The following PHACTR2 variants were observed in gnomAD, a reference collection of about 807,000 sequenced individuals.
PHACTR2 encodes phosphatase and actin regulator 2.
In PHACTR2, 30 loss-of-function variants were observed where a neutral mutation model predicts 76.0. The observed-to-expected ratio is 0.39, with a 90% CI of 0.30 to 0.54. The LOEUF (loss-of-function observed/expected upper bound fraction) is 0.54, where lower values mean the gene tolerates loss of function less well. Among genes scored for constraint, PHACTR2 ranks in the 20% least tolerant of loss-of-function variants. The probability of loss-of-function intolerance (pLI) is 0.61; values close to 1 mark genes in which losing one functional copy is unlikely to be tolerated. For missense variants in PHACTR2, 696 were observed against 781.1 expected, an observed-to-expected ratio of 0.89 and a Z score of 1.30; for synonymous variants, 292 against 292.5, an observed-to-expected ratio of 1.00 and a Z score of 0.02.
intron 2 of PHACTR2, among the ~76,000 whole-genome samples, chr6:143,728,185 G>A (rs1318288373): frequency 9.3e-6 from 1 of 107,496 alleles, no homozygotes; most frequent in African/African-American, 3.5e-5. Flanking sequence ...TCGTTCTTTT[G>A]TTCTTCTTTC....
At position 143,585,046 on chromosome 6, in the gene PHACTR2, C is replaced by G. The variant is rs6924940; in HGVS notation, c.217+47839C>G. On this transcript the variant is annotated intron_variant, in intron 1 of 11. Transcript: ENST00000367584. This position sits in a 1 kb window ranked among gnomAD's most constrained non-coding sequence, Gnocchi z 5.2. ...TTCTATAGGCTTGGCTGTCATAACTCAAGTTGTTGGGGGACACATGACTAT... is the reference window on the plus strand; with the variant it reads ...TTCTATAGGCTTGGCTGTCATAACTGAAGTTGTTGGGGGACACATGACTAT... 6.7e-6 allele frequency among the ~76,000 whole-genome samples: 1 copy of G among 150,080 alleles called. No individual in the cohort carries two copies. The highest frequency in any genetic ancestry group is 2.5e-5 in the African/African-American group (1 of 40,616).
rs1776696276 is a variant in PHACTR2 at position 143,648,437 on chromosome 6, C to A, written c.13+40115C>A. ...TAGAAAATGGATCTGACTGTCTCTG[C>A]ACTGGGAGTCCCTGGGAGGGGGGGA... On this transcript the variant is annotated intron_variant, in intron 1 of 11. Transcript: ENST00000305766. The surrounding 1 kb of genome is among the most constrained non-coding windows in gnomAD (Gnocchi z 6.7). Among the ~76,000 whole-genome samples, 2 of 152,102 alleles carry A rather than the reference C, an allele frequency of 1.3e-5. No individual in the cohort carries two copies. Among genetic ancestry groups the A allele is most frequent in the Non-Finnish European group, 2.9e-5 (2 of 68,022 alleles).
intron 2 of PHACTR2, among the ~76,000 whole-genome samples, chr6:143,721,096 C>A (rs1392243785): frequency 6.6e-6 from 1 of 152,214 alleles, no homozygotes; most frequent in African/African-American, 2.4e-5. Context: ...AACCAAAAGT[C>A]AGAAAGCCAA....
intron 1 of PHACTR2, among the ~76,000 whole-genome samples, chr6:143,661,120 A>C (rs1157719603): frequency 6.6e-6 from 1 of 152,236 alleles, no homozygotes; most frequent in Admixed American, 6.5e-5. Flanking sequence ...AATTCATAGT[A>C]AAATTTGCAT....
chr6:143,808,935 T>G (rs755410875), intron 12 of PHACTR2, among the ~76,000 whole-genome samples: 5 of 152,228 alleles, frequency 3.3e-5, no homozygotes, highest in African/African-American at 7.2e-5. Flanking sequence ...GTAGTTGCTC[T>G]TCTGAAGTAA....
At chr6:143,711,746 G>C (rs1242426166) in intron 1 of PHACTR2, 2 of 639,490 alleles carry the variant, frequency 3.1e-6, no homozygotes, top group African/African-American at 3.5e-5. Flanking sequence ...GTGTTGCACA[G>C]ACACTCATTT....
intron 1 of PHACTR2, among the ~76,000 whole-genome samples, chr6:143,643,776 T>C (rs1020571842): frequency 1.3e-5 from 2 of 152,256 alleles, no homozygotes; most frequent in Admixed American, 6.5e-5. Context: ...TAAAATGTTT[T>C]ATGTGAAATG....
At chr6:143,593,016 C>A (rs1049539281) in intron 1 of PHACTR2, among the ~76,000 whole-genome samples, 12 of 144,434 alleles carry the variant, frequency 8.3e-5, no homozygotes, top group Non-Finnish European at 1.3e-4. Context: ...ACCTGCACTC[C>A]GGCCTGGGTG....
At chr6:143,771,203 T>TAC (rs1775120810) in intron 6 of PHACTR2, among the ~76,000 whole-genome samples, 1 of 64,148 alleles carries the variant, frequency 1.6e-5, no homozygotes, top group African/African-American at 7.0e-5. Flanking sequence ...TGTATATATA[T>TAC]ATATATATAT....
At position 143,624,176 on chromosome 6, in the gene PHACTR2, G is replaced by A. The variant is rs929763849; in HGVS notation, c.13+15854G>A. On this transcript the variant is annotated intron_variant, in intron 1 of 11. Transcript: ENST00000305766. The surrounding 1 kb of genome is among the most constrained non-coding windows in gnomAD (Gnocchi z 4.6). ...GGCTGGAGTGCAGTGGCCCAATCTC[G>A]GCTCATTACAACCTCTGCCCCCTGG... 6.6e-6 allele frequency among the ~76,000 whole-genome samples: 1 copy of A among 151,776 alleles called. No homozygotes were observed. The highest frequency in any genetic ancestry group is 1.5e-5 in the Non-Finnish European group (1 of 67,960).
At chr6:143,728,021 G>A (rs1268314297) in intron 2 of PHACTR2, among the ~76,000 whole-genome samples, 2 of 120,762 alleles carry the variant, frequency 1.7e-5, no homozygotes, top group Non-Finnish European at 3.4e-5. Flanking sequence ...AAGGCATCCA[G>A]AATGGAAAAG....
In PHACTR2 at chr6:143,731,078, T is replaced by C. The variant is rs578115663; in HGVS notation, c.215-17907T>C. Among the ~76,000 whole-genome samples the C allele has an allele frequency of 7.2e-5, 11 of 152,186 alleles. No individual in the cohort carries two copies. Among genetic ancestry groups the C allele is most frequent in the South Asian group, 2.1e-4 (1 of 4,820 alleles). ...GAAGGTTTTTATACATGCCCTTTAT[T>C]AGGTTGAGGAAGTTCCTTTTTGTTC... On this transcript the variant is annotated intron_variant, in intron 2 of 12. Coordinates refer to ENST00000440869, the MANE Select transcript of PHACTR2 (RefSeq NM_001100164.2). The surrounding 1 kb of genome is among the most constrained non-coding windows in gnomAD (Gnocchi z 4.9).
chr6:143,617,894 A>G lies in PHACTR2; in HGVS notation c.13+9572A>G, dbSNP rs1284429621. Among the ~76,000 whole-genome samples, 2 of 152,228 alleles carry G rather than the reference A, an allele frequency of 1.3e-5. No homozygotes were observed. Among genetic ancestry groups the G allele is most frequent in the Non-Finnish European group, 2.9e-5 (2 of 68,034 alleles). Reference sequence around the variant, plus strand: ...TGGTTACGGAGAGACTTAGTCACCTACTTCCTAATCAGGAAGGTTGGTTTC... The same window carrying G: ...TGGTTACGGAGAGACTTAGTCACCTGCTTCCTAATCAGGAAGGTTGGTTTC... On this transcript the variant is annotated intron_variant, in intron 1 of 11. Transcript: ENST00000305766. The surrounding 1 kb of genome is among the most constrained non-coding windows in gnomAD (Gnocchi z 4.8).
At position 143,619,334 on chromosome 6, in the gene PHACTR2, G is replaced by T. The variant is rs1037424553; in HGVS notation, c.13+11012G>T. Among the ~76,000 whole-genome samples, 2 of 152,156 alleles carry T rather than the reference G, an allele frequency of 1.3e-5. No homozygotes were observed. The highest frequency in any genetic ancestry group is 2.9e-5 in the Non-Finnish European group (2 of 68,030). ...AATGCTTCACAGATGATTCCTCTAC[G>T]CCCTGGTGAGACCCATTATCGGTCT... is the stretch of plus-strand genomic sequence containing the variant. On this transcript the variant is annotated intron_variant, in intron 1 of 11. Coordinates refer to the PHACTR2 transcript ENST00000305766. This position sits in a 1 kb window ranked among gnomAD's most constrained non-coding sequence, Gnocchi z 4.5.
At chr6:143,603,935 T>G (rs1472071178), upstream of PHACTR2, among the ~76,000 whole-genome samples, 1 of 151,804 alleles carries the variant, frequency 6.6e-6, no homozygotes, top group East Asian at 1.9e-4. Flanking sequence ...CTGTCTCTAC[T>G]AAAAATACAA....
In PHACTR2 at chr6:143,824,782, A is replaced by G. The variant is rs1250726390; in HGVS notation, c.*1093A>G. 1 of 152,396 alleles carries G rather than the reference A, an allele frequency of 6.6e-6. No homozygotes were observed. The highest frequency in any genetic ancestry group is 2.4e-5 in the African/African-American group (1 of 41,436). The allele number at this position is 152,396 out of a possible 1,614,324, so 9.4% of individuals were successfully genotyped here. A position where few individuals can be genotyped will look rare whatever the true frequency, so the allele number is the denominator to read the frequency against. ...TAAAGTTGGATTGCTGCTATTTAAA[A>G]AAAAAAAAAGGACACAGATCAAAAA... is the stretch of plus-strand genomic sequence containing the variant. On this transcript the variant is annotated 3_prime_UTR_variant, in exon 13 of 13. Coordinates refer to ENST00000440869, the MANE Select transcript of PHACTR2 (RefSeq NM_001100164.2). This position sits in a 1 kb window ranked among gnomAD's most constrained non-coding sequence, Gnocchi z 6.3.
intron 1 of PHACTR2, among the ~76,000 whole-genome samples, chr6:143,692,746 G>T (rs1313922364): frequency 6.6e-6 from 1 of 152,160 alleles, no homozygotes; most frequent in African/African-American, 2.4e-5. Context: ...GTGGAGGTGA[G>T]GTTGAAAGCT....
At chr6:143,719,308 T>A (rs1778384380) in intron 2 of PHACTR2, among the ~76,000 whole-genome samples, 1 of 149,734 alleles carries the variant, frequency 6.7e-6, no homozygotes, top group South Asian at 2.1e-4. Flanking sequence ...ACACAGCACA[T>A]CTAGATCCAC....
In PHACTR2 at chr6:143,539,771, A is replaced by T. The variant is rs906489355; in HGVS notation, c.217+2564A>T. On this transcript the variant is annotated intron_variant, in intron 1 of 11. Transcript: ENST00000367584. This position sits in a 1 kb window ranked among gnomAD's most constrained non-coding sequence, Gnocchi z 4.3. ...CCTAGGCCTGCTTAACTGAATCTGC[A>T]TTTTAATAAGATCCCCAGGTTGTTC... is the stretch of plus-strand genomic sequence containing the variant. Among the ~76,000 whole-genome samples the T allele has an allele frequency of 6.6e-6, 1 of 152,158 alleles. No homozygotes were observed. The highest frequency in any genetic ancestry group is 2.4e-5 in the African/African-American group (1 of 41,436).
Sources: gnomAD v4.1 joint callset for allele counts (sites outside exome capture counted in the v4.1 genomes callset) on GRCh38, gnomAD v4.1.1 for gene constraint, Gnocchi (gnomAD v3.1) non-coding constraint, MANE v1.5 for transcripts, NCBI Gene and HGNC (gene_info 2026-07-23, HGNC 2026-07-21) for gene names.